RBFOX1: variants seen among roughly 807,000 people sequenced by gnomAD.
RBFOX1 encodes RNA binding fox-1 homolog 1.
In RBFOX1, 8 loss-of-function variants were observed where a neutral mutation model predicts 57.7. The observed-to-expected ratio is 0.14, with a 90% CI of 0.08 to 0.25. The LOEUF (loss-of-function observed/expected upper bound fraction) is 0.25. RBFOX1 is among the 10% of genes least tolerant of loss of function. The probability of loss-of-function intolerance (pLI) is 1.00; values close to 1 mark genes in which losing one functional copy is unlikely to be tolerated. For synonymous variants in RBFOX1, 326 were observed against 222.4 expected, an observed-to-expected ratio of 1.47 and a Z score of -4.15; for missense variants, 611 against 548.5, an observed-to-expected ratio of 1.11 and a Z score of -1.14.
At chr16:6,179,195 G>A (rs1250922277) in intron 1 of RBFOX1, among the ~76,000 whole-genome samples, 1 of 152,196 alleles carries the variant, frequency 6.6e-6, no homozygotes, top group Non-Finnish European at 1.5e-5. Context: ...GAGCAGTGGA[G>A]ACGACAGTGG....
chr16:6,615,117 C>T (rs912873219), intron 2 of RBFOX1, among the ~76,000 whole-genome samples: 1 of 152,280 alleles, frequency 6.6e-6, no homozygotes, highest in Non-Finnish European at 1.5e-5. Context: ...TTAAGGCAAA[C>T]TCATTGTATA....
chr16:5,348,154 C>A (rs958809403), intron 1 of RBFOX1, among the ~76,000 whole-genome samples: 2 of 150,662 alleles, frequency 1.3e-5, no homozygotes, highest in African/African-American at 4.9e-5. Context: ...ATGTATCCAT[C>A]CACCCATCCA....
chr16:7,162,859 A>G (rs2078655150), intron 4 of RBFOX1, among the ~76,000 whole-genome samples: 1 of 152,190 alleles, frequency 6.6e-6, no homozygotes, highest in Admixed American at 6.5e-5. Context: ...TCAAAGCTGG[A>G]GAAGCAGTGT....
At chr16:7,438,998 C>A (rs1415713061) in intron 4 of RBFOX1, among the ~76,000 whole-genome samples, 1 of 152,200 alleles carries the variant, frequency 6.6e-6, no homozygotes, top group Non-Finnish European at 1.5e-5. Context: ...TTAATGAGGG[C>A]AGGTCGCGCT....
chr16:6,242,629 A>C (rs866037987), intron 1 of RBFOX1, among the ~76,000 whole-genome samples: 5 of 141,516 alleles, frequency 3.5e-5, no homozygotes, highest in African/African-American at 1.1e-4. Flanking sequence ...ATTTATTGCA[A>C]ACACACACAC....
chr16:5,896,006 A>G (rs1335319808), intron 4 of RBFOX1, among the ~76,000 whole-genome samples: 1 of 152,136 alleles, frequency 6.6e-6, no homozygotes, highest in Non-Finnish European at 1.5e-5. Flanking sequence ...CTTGGTGTAA[A>G]ATGTTCTGTC....
At position 7,312,788 on chromosome 16, in the gene RBFOX1, A is replaced by G. The variant is rs559269630; in HGVS notation, c.28-205359A>G. 8.5e-5 allele frequency among the ~76,000 whole-genome samples: 13 copies of G among 152,296 alleles called. No homozygotes were observed. In the East Asian group the frequency reaches 2.5e-3, roughly 29 times the overall value. On this transcript the variant is annotated intron_variant, in intron 4 of 15. Coordinates refer to ENST00000550418, the MANE Select transcript of RBFOX1 (RefSeq NM_018723.4). ...TTCATTTATTTCCATTCAGAACGTC[A>G]TTATTCTGTGATGCCAGAGACTTGG... is the stretch of plus-strand genomic sequence containing the variant.
chr16:5,732,991 G>A (rs1008668694), intron 3 of RBFOX1, among the ~76,000 whole-genome samples: 11 of 152,200 alleles, frequency 7.2e-5, no homozygotes, highest in Admixed American at 3.3e-4. Context: ...TTTTTATTGC[G>A]ATGGTGACTA....
chr16:7,526,098 C>T (rs995862424), intron 5 of RBFOX1, among the ~76,000 whole-genome samples: 3 of 152,166 alleles, frequency 2.0e-5, no homozygotes, highest in Admixed American at 6.5e-5. Flanking sequence ...CTCAGAGAAG[C>T]GTGAACCCTA....
At position 5,457,223 on chromosome 16, in the gene RBFOX1, A is replaced by G. The variant is rs555169183; in HGVS notation, c.220-9993A>G. ...ATGATCTTGGCTCACTGCAACCTCT[A>G]CCTCCCGGGTTCAAGATCCTCCTGC... On this transcript the variant is annotated intron_variant, in intron 1 of 2. Transcript: ENST00000585867. 2.1e-4 allele frequency among the ~76,000 whole-genome samples: 32 copies of G among 151,468 alleles called. 1 individual carries two copies. The highest frequency in any genetic ancestry group is 1.0e-4 in the Non-Finnish European group (7 of 67,818).
At chr16:6,713,729 C>T (rs933204172) in intron 3 of RBFOX1, among the ~76,000 whole-genome samples, 6 of 152,164 alleles carry the variant, frequency 3.9e-5, no homozygotes, top group Non-Finnish European at 2.9e-5. Context: ...TCTCTCTTTC[C>T]ACATCTACCT....
At chr16:7,050,778 CATA>C (rs1406450723) in intron 3 of RBFOX1, among the ~76,000 whole-genome samples, 2 of 152,096 alleles carry the variant, frequency 1.3e-5, no homozygotes, top group Non-Finnish European at 2.9e-5. Flanking sequence ...CATTATCACA[CATA>C]ATGTTTATAA....
chr16:6,600,851 T>C (rs1271456829), intron 2 of RBFOX1, among the ~76,000 whole-genome samples: 2 of 152,160 alleles, frequency 1.3e-5, no homozygotes, highest in Non-Finnish European at 2.9e-5. Flanking sequence ...GGAACGTAAA[T>C]GCTGCCCTTG....
At chr16:6,002,485 G>A (rs928461160) in intron 4 of RBFOX1, among the ~76,000 whole-genome samples, 1 of 152,170 alleles carries the variant, frequency 6.6e-6, no homozygotes, top group Non-Finnish European at 1.5e-5. Flanking sequence ...GTGCCCTGTT[G>A]TTTAAAACAG....
At chr16:6,900,842 T>G (rs762605943) in intron 3 of RBFOX1, among the ~76,000 whole-genome samples, 11 of 152,184 alleles carry the variant, frequency 7.2e-5, no homozygotes, top group Middle Eastern at 3.2e-3. Context: ...TGTTGAGTGT[T>G]TGTCTTTGTG....
At chr16:6,352,146 C>G (rs554852531) in intron 2 of RBFOX1, among the ~76,000 whole-genome samples, 1 of 152,274 alleles carries the variant, frequency 6.6e-6, no homozygotes, top group South Asian at 2.1e-4. Flanking sequence ...TAAAAAGCAA[C>G]CAGCTATCTC....
intron 3 of RBFOX1, among the ~76,000 whole-genome samples, chr16:6,710,118 T>C (rs80057717): frequency 0.078 from 11,876 of 152,140 alleles, 761 homozygotes; most frequent in East Asian, 0.38. Context: ...AAAAATACCA[T>C]GAGTTTTGGG....
chr16:7,633,611 G>C lies in RBFOX1; in HGVS notation c.757+2928G>C, dbSNP rs140681639. ...CCATTAAAAAGCAAAATGAAAACTA[G>C]TTTCTTACATTAAGAATCTTCACTT... On this transcript the variant is annotated intron_variant, in intron 11 of 15. Transcript: ENST00000550418. Among the ~76,000 whole-genome samples the C allele has an allele frequency of 4.3e-3, 653 of 152,212 alleles. 3 individuals are homozygous for C. Among genetic ancestry groups the C allele is most frequent in the African/African-American group, 0.015 (618 of 41,546 alleles).
chr16:7,180,339 A>T (rs982492258), intron 4 of RBFOX1, among the ~76,000 whole-genome samples: 2 of 152,140 alleles, frequency 1.3e-5, no homozygotes, highest in African/African-American at 4.8e-5. Flanking sequence ...AGGCTAAGAG[A>T]AGTTCAGTTA....
Sources: gnomAD v4.1 joint callset for allele counts (sites outside exome capture counted in the v4.1 genomes callset) on GRCh38, gnomAD v4.1.1 for gene constraint, MANE v1.5 for transcripts, NCBI Gene and HGNC (gene_info 2026-07-23, HGNC 2026-07-21) for gene names.